Variants in PRRC2C observed in about 807,000 individuals in gnomAD.
PRRC2C encodes protein PRRC2C.
PRRC2C carries 72 observed loss-of-function variants against 317.2 expected under a neutral mutation model. The ratio of observed to expected loss-of-function variants is 0.23; its 90% CI spans 0.19 to 0.28. The LOEUF is 0.28. PRRC2C is among the 10% of genes least tolerant of loss of function. PRRC2C has a pLI of 1.00. For missense variants in PRRC2C, 3,074 were observed against 3,459.7 expected, an observed-to-expected ratio of 0.89 and a Z score of 2.80; for synonymous variants, 1,296 against 1,205.9, an observed-to-expected ratio of 1.07 and a Z score of -1.55.
intron 20 of PRRC2C, among the ~76,000 whole-genome samples, chr1:171,563,111 T>C (rs1156998735): frequency 6.6e-6 from 1 of 152,088 alleles, no homozygotes; most frequent in African/African-American, 2.4e-5. Flanking sequence ...GGTGGAGTAG[T>C]AGGGATGAAA....
chr1:171,588,052 A>T (rs1166500257), intron 32 of PRRC2C, among the ~76,000 whole-genome samples: 1 of 152,120 alleles, frequency 6.6e-6, no homozygotes, highest in African/African-American at 2.4e-5. Context: ...AGCTCACTGC[A>T]ACCTCAAACA....
Position 171,579,718 on chromosome 1 carries a change from A to G in PRRC2C, c.7273-110A>G, listed in dbSNP as rs191837805. The G allele has an allele frequency of 6.2e-5, 83 of 1,328,978 alleles. No homozygotes were observed. In the African/African-American group the frequency reaches 1.0e-3, roughly 16 times the overall value. 82.3% of individuals were successfully genotyped at this position (1,328,978 alleles called of 1,614,324 possible). Reference sequence around the variant, plus strand: ...TTTTGTTTTAAAATGGAGCTGATATATAGTATTAATTTTACTCTTTTCATG... The same window carrying G: ...TTTTGTTTTAAAATGGAGCTGATATGTAGTATTAATTTTACTCTTTTCATG... On this transcript the variant is annotated intron_variant, in intron 27 of 34. Coordinates refer to ENST00000647382, the MANE Select transcript of PRRC2C (RefSeq NM_001387844.1).
Position 171,540,999 on chromosome 1 carries a change from A to C in PRRC2C, c.3533A>C (p.Glu1178Ala). The C allele has an allele frequency of 1.2e-6, 2 of 1,613,634 alleles. No homozygotes were observed. Among genetic ancestry groups the C allele is most frequent in the Non-Finnish European group, 1.7e-6 (2 of 1,179,804 alleles). The stretch of plus-strand genomic sequence containing the variant: ...AGGACCTATTGGAAAGAAGCTAGAG[A>C]GAGAGATTGGTTTCCAGATCAAGGA... ...PPRTYWKEAR[E>A]RDWFPDQGYR... The change falls in exon 16 of 35, where the codon GAG (glutamate) becomes GCG (alanine). Residue 1178 changes from glutamate (E) to alanine (A), a missense_variant. Physicochemically the swap from Glu to Ala is moderately radical, Grantham distance 107. Transcript: ENST00000647382.
rs777500980 is a variant in PRRC2C at position 171,579,379 on chromosome 1, C to T, written c.7185C>T (p.Asp2395=). The change falls in exon 27 of 35, where the codon GAC becomes GAT. Residue 2395 remains aspartate (D), a synonymous_variant. Transcript: ENST00000647382. ...CTCAAATCCCAGCCTTCTATATGGA[C>T]ACAAGTCATTTATTCAATACCCAAC... The part of the protein sequence containing the change: ...AAAQIPAFYM[D]TSHLFNTQHA... 6.2e-7 allele frequency: 1 copy of T among 1,613,884 alleles called. No individual in the cohort carries two copies. Among genetic ancestry groups the T allele is most frequent in the Admixed American group, 1.7e-5 (1 of 60,018 alleles).
At position 171,561,106 on chromosome 1, in the gene PRRC2C, A is replaced by G; in HGVS notation, c.6117+3A>G. The G allele has an allele frequency of 1.3e-6, 2 of 1,575,428 alleles. No homozygotes were observed. Among genetic ancestry groups the G allele is most frequent in the Non-Finnish European group, 1.7e-6 (2 of 1,144,976 alleles). ...TTGGATCAGCTCCTTCATCAGAGGT[A>G]AGAATAGGCTTTTAACAGCATAGGT... On this transcript the variant is annotated splice_donor_region_variant and intron_variant, in intron 20 of 34. Transcript: ENST00000647382.
Position 171,537,399 on chromosome 1 carries a change from G to T in PRRC2C, c.2430G>T (p.Gly810=). Residue 810 remains glycine (G), a synonymous_variant, in exon 15 of 35, where the codon GGG becomes GGT. Transcript: ENST00000647382. ...TTTCTGAGCCTCGTATGCTGTGGGG[G>T]TCAGATCCCTATCCTCATGCTGAGC... ...ISLSEPRMLW[G]SDPYPHAEPQ... 6.3e-7 allele frequency: 1 copy of T among 1,589,366 alleles called. No homozygotes were observed. The highest frequency in any genetic ancestry group is 8.6e-7 in the Non-Finnish European group (1 of 1,167,154).
intron 1 of PRRC2C, among the ~76,000 whole-genome samples, chr1:171,486,483 C>T (rs1276157469): frequency 6.6e-6 from 1 of 152,058 alleles, no homozygotes; most frequent in African/African-American, 2.4e-5. Flanking sequence ...GGCATGGGGC[C>T]ACTATAGAGA....
At position 171,584,412 on chromosome 1, in the gene PRRC2C, T is replaced by A. The variant is rs746519316; in HGVS notation, c.7642-7T>A. ...TTACTCATGTTTTCTTAAAAAATTT[T>A]TTCTAGGCCAGAGCAAATCTTACCC... On this transcript the variant is annotated splice_region_variant and splice_polypyrimidine_tract_variant and intron_variant, in intron 29 of 34. Coordinates refer to ENST00000647382, the MANE Select transcript of PRRC2C (RefSeq NM_001387844.1). 1 of 1,543,346 alleles carries A rather than the reference T, an allele frequency of 6.5e-7. No homozygotes were observed. Among genetic ancestry groups the A allele is most frequent in the Non-Finnish European group, 8.7e-7 (1 of 1,149,100 alleles).
chr1:171,570,786 G>A (rs1467293799), intron 23 of PRRC2C, among the ~76,000 whole-genome samples: 1 of 152,128 alleles, frequency 6.6e-6, no homozygotes, highest in African/African-American at 2.4e-5. Context: ...TAACCATATT[G>A]CAGGAAAGAG....
At chr1:171,556,565 G>A (rs912894107) in intron 18 of PRRC2C, among the ~76,000 whole-genome samples, 3 of 152,188 alleles carry the variant, frequency 2.0e-5, no homozygotes, top group African/African-American at 4.8e-5. Flanking sequence ...GAATGGCAAC[G>A]ACTACTTCCT....
intron 1 of PRRC2C, among the ~76,000 whole-genome samples, chr1:171,499,013 T>G (rs1355975507): frequency 6.6e-6 from 1 of 152,196 alleles, no homozygotes; most frequent in Non-Finnish European, 1.5e-5. Context: ...TCTCACTAAG[T>G]TGCACAGGCT....
At chr1:171,516,198 A>G (rs1672329056) in intron 5 of PRRC2C, among the ~76,000 whole-genome samples, 1 of 152,220 alleles carries the variant, frequency 6.6e-6, no homozygotes, top group Non-Finnish European at 1.5e-5. Flanking sequence ...TTTACTTACT[A>G]CTGTATTAAT....
rs761442463 is a variant in PRRC2C, at chr1:171,541,185, A to T, written c.3719A>T (p.Gln1240Leu). ...AEHIPSGPLR[Q>L]REESETRSES... ...CATATACCCTCAGGGCCTCTCAGAC[A>T]GCGAGAAGAAAGTGAAACACGGAGT... The change falls in exon 16 of 35, where the codon CAG becomes CTG. Residue 1240 changes from glutamine (Q) to leucine (L), a missense_variant. Transcript: ENST00000647382. This position sits in a 1 kb window ranked among gnomAD's most constrained non-coding sequence, Gnocchi z 4.1. The T allele has an allele frequency of 6.2e-7, 1 of 1,612,770 alleles. No individual in the cohort carries two copies. The highest frequency in any genetic ancestry group is 8.5e-7 in the Non-Finnish European group (1 of 1,179,596).
chr1:171,507,743 C>G (rs532658566), intron 1 of PRRC2C, among the ~76,000 whole-genome samples: 2 of 152,316 alleles, frequency 1.3e-5, no homozygotes, highest in African/African-American at 4.8e-5. Flanking sequence ...CCTCTCAGGT[C>G]TTTCTTTGCT....
At chr1:171,521,690 T>A (rs1008440660) in intron 6 of PRRC2C, among the ~76,000 whole-genome samples, 4 of 152,194 alleles carry the variant, frequency 2.6e-5, no homozygotes, top group Non-Finnish European at 5.9e-5. Context: ...CAAATCTGCC[T>A]CTGATTATTC....
In PRRC2C at chr1:171,575,056, T is replaced by G. The variant is rs769512412; in HGVS notation, c.6883T>G (p.Tyr2295Asp). 1 of 1,613,914 alleles carries G rather than the reference T, an allele frequency of 6.2e-7. No homozygotes were observed. Among genetic ancestry groups the G allele is most frequent in the South Asian group, 1.1e-5 (1 of 91,044 alleles). The change falls in exon 25 of 35, where the codon TAC becomes GAC. Residue 2295 changes from tyrosine (Y) to aspartate (D), a missense_variant. By Grantham distance (160) the Tyr-to-Asp change is radical. Transcript: ENST00000647382. ...SSASGPSTAN[Y>D]NSFSSASMPQ... ...TGCCAGTGGACCAAGCACTGCTAAT[T>G]ACAATTCGTTCTCAAGTGCATCCAT...
chr1:171,492,528 G>A (rs1189751073), intron 1 of PRRC2C, among the ~76,000 whole-genome samples: 1 of 152,008 alleles, frequency 6.6e-6, no homozygotes, highest in Admixed American at 6.6e-5. Context: ...TGGACTGAGT[G>A]TCTGCACTAA....
chr1:171,582,514 A>G (rs1194485251), intron 28 of PRRC2C, among the ~76,000 whole-genome samples: 1 of 152,204 alleles, frequency 6.6e-6, no homozygotes, highest in Non-Finnish European at 1.5e-5. Context: ...CCTAGGTGGC[A>G]TAGCCTGCAG....
intron 1 of PRRC2C, among the ~76,000 whole-genome samples, chr1:171,508,461 AC>A (rs912951675): frequency 2.6e-5 from 4 of 152,174 alleles, no homozygotes; most frequent in African/African-American, 9.7e-5. Context: ...CATATATTAA[AC>A]CAATCTTGCA....
Sources: allele counts gnomAD v4.1 joint callset (sites outside exome capture counted in the v4.1 genomes callset), GRCh38; gene constraint gnomAD v4.1.1; non-coding constraint Gnocchi (gnomAD v3.1); transcripts MANE v1.5; gene names NCBI Gene and HGNC (gene_info 2026-07-23, HGNC 2026-07-21).